Variants in CDH8 observed in about 807,000 individuals in gnomAD.
CDH8 encodes cadherin-8.
Under a neutral mutation model 68.1 loss-of-function variants are expected in CDH8, and 17 were observed. The observed-to-expected ratio is 0.25, with a 90% CI of 0.17 to 0.37. CDH8 has a LOEUF of 0.37. Ranked by LOEUF, CDH8 falls within the 10% of genes least tolerant of loss-of-function variation. The probability of loss-of-function intolerance (pLI) is 1.00; values close to 1 mark genes in which losing one functional copy is unlikely to be tolerated. For missense variants in CDH8, 763 were observed against 999.3 expected, an observed-to-expected ratio of 0.76 and a Z score of 3.19; for synonymous variants, 372 against 365.1, an observed-to-expected ratio of 1.02 and a Z score of -0.21.
rs768785107 is a variant in CDH8, at chr16:62,021,393, C to T, written c.11G>A (p.Arg4Gln). 7 of 1,609,128 alleles carry T rather than the reference C, an allele frequency of 4.4e-6. No individual in the cohort carries two copies. The highest frequency in any genetic ancestry group is 5.9e-6 in the Non-Finnish European group (7 of 1,176,586). MPERLAEMLLDLWT... is the reference protein window; with the variant it reads MPEQLAEMLLDLWT... ...GAGATCCAAGAGCATTTCCGCTAGCCGTTCTGGCATGGTCCCACCAGTTAA... is the reference window on the plus strand; with the variant it reads ...GAGATCCAAGAGCATTTCCGCTAGCTGTTCTGGCATGGTCCCACCAGTTAA... The change falls in exon 2 of 12, where the codon CGG becomes CAG. Residue 4 changes from arginine to glutamine, a missense_variant. By Grantham distance (43) the Arg-to-Gln change is conservative. Transcript: ENST00000577390.
intron 1 of CDH8, among the ~76,000 whole-genome samples, chr16:62,033,504 A>G (rs908156576): frequency 7.2e-5 from 11 of 152,230 alleles, no homozygotes. Flanking sequence ...TTGAATGTAG[A>G]GATTTACCCA....
At chr16:61,680,496 T>A (rs1439391096) in intron 10 of CDH8, among the ~76,000 whole-genome samples, 1 of 151,910 alleles carries the variant, frequency 6.6e-6, no homozygotes, top group African/African-American at 2.4e-5. Context: ...CTTCTGTAGG[T>A]AAATTCCTTC....
intron 3 of CDH8, among the ~76,000 whole-genome samples, chr16:61,879,065 A>G (rs1392188349): frequency 6.6e-6 from 1 of 152,174 alleles, no homozygotes; most frequent in Non-Finnish European, 1.5e-5. Context: ...GAAAAAATAA[A>G]AGATGTGAAT....
intron 10 of CDH8, among the ~76,000 whole-genome samples, chr16:61,664,693 A>T (rs1963631863): frequency 6.6e-6 from 1 of 151,058 alleles, no homozygotes; most frequent in Admixed American, 6.6e-5. Context: ...GTTCAGATAG[A>T]AAGAGGCTTT....
chr16:61,956,771 A>G (rs1323875806), intron 2 of CDH8, among the ~76,000 whole-genome samples: 3 of 152,128 alleles, frequency 2.0e-5, no homozygotes, highest in Non-Finnish European at 2.9e-5. Flanking sequence ...TTTTATTGGT[A>G]TTGATTTTCT....
At chr16:61,841,262 T>C (rs1460042900) in intron 4 of CDH8, among the ~76,000 whole-genome samples, 2 of 152,234 alleles carry the variant, frequency 1.3e-5, no homozygotes, top group Non-Finnish European at 2.9e-5. Context: ...GCTCAATTTT[T>C]AGTTTTTTGA....
intron 7 of CDH8, among the ~76,000 whole-genome samples, chr16:61,796,113 G>T (rs1180918143): frequency 6.6e-6 from 1 of 151,568 alleles, no homozygotes; most frequent in East Asian, 1.9e-4. Context: ...GTGAAACATA[G>T]TACTAAAAAT....
chr16:62,001,675 A>T (rs1387833275), intron 2 of CDH8, among the ~76,000 whole-genome samples: 1 of 151,908 alleles, frequency 6.6e-6, no homozygotes, highest in African/African-American at 2.4e-5. Context: ...CCGGTTTTTT[A>T]TTATTATTAT....
intron 2 of CDH8, among the ~76,000 whole-genome samples, chr16:62,016,205 T>A (rs1027908398): frequency 6.6e-6 from 1 of 152,186 alleles, no homozygotes; most frequent in African/African-American, 2.4e-5. Flanking sequence ...CATTCCTTCA[T>A]GTCAGAGTAC....
intron 10 of CDH8, among the ~76,000 whole-genome samples, chr16:61,684,353 C>T (rs1567420230): frequency 6.6e-6 from 1 of 151,880 alleles, no homozygotes; most frequent in East Asian, 1.9e-4. Context: ...CTCATTCATT[C>T]ATTCACCAGG....
At chr16:61,764,740 T>C (rs1047583694) in intron 8 of CDH8, among the ~76,000 whole-genome samples, 1 of 152,032 alleles carries the variant, frequency 6.6e-6, no homozygotes, top group East Asian at 1.9e-4. Flanking sequence ...CCCCCTTCCC[T>C]TTAGGATATA....
intron 2 of CDH8, among the ~76,000 whole-genome samples, chr16:61,996,312 G>A (rs1368752984): frequency 6.6e-6 from 1 of 152,136 alleles, no homozygotes; most frequent in Non-Finnish European, 1.5e-5. Flanking sequence ...TCATTGCAGG[G>A]AATGGCAAAC....
intron 10 of CDH8, among the ~76,000 whole-genome samples, chr16:61,664,863 C>A (rs953525394): frequency 2.6e-5 from 4 of 151,958 alleles, no homozygotes; most frequent in African/African-American, 9.7e-5. Flanking sequence ...TATAGTTAGT[C>A]AAGGAGAAAT....
chr16:61,681,944 C>T (rs1025909629), intron 10 of CDH8, among the ~76,000 whole-genome samples: 3 of 151,804 alleles, frequency 2.0e-5, no homozygotes, highest in Admixed American at 2.0e-4. Context: ...TAATGCTTTG[C>T]AAAGGCTCTA....
chr16:61,697,628 G>A (rs57360494), intron 10 of CDH8, among the ~76,000 whole-genome samples: 17,869 of 152,042 alleles, frequency 0.12, 1,026 homozygotes, highest in African/African-American at 0.12. Context: ...AGCCTCCTGA[G>A]TAGCTGGGAT....
intron 4 of CDH8, among the ~76,000 whole-genome samples, chr16:61,838,665 A>C (rs1962618089): frequency 6.6e-6 from 1 of 152,158 alleles, no homozygotes; most frequent in Admixed American, 6.6e-5. Context: ...CTAGCATGTG[A>C]CATTTTATGC....
At chr16:61,900,216 A>C (rs1373648984) in intron 3 of CDH8, among the ~76,000 whole-genome samples, 3 of 152,090 alleles carry the variant, frequency 2.0e-5, no homozygotes, top group Non-Finnish European at 4.4e-5. Context: ...TATTTACCAA[A>C]TTCTGGCTTC....
At chr16:61,782,418 C>A (rs1406338130) in intron 8 of CDH8, among the ~76,000 whole-genome samples, 6 of 152,238 alleles carry the variant, frequency 3.9e-5, no homozygotes, top group Admixed American at 3.9e-4. Flanking sequence ...CTATATCCCA[C>A]ACCTGGCTCG....
chr16:61,863,525 AT>A (rs1416646875), intron 3 of CDH8, among the ~76,000 whole-genome samples: 1 of 152,156 alleles, frequency 6.6e-6, no homozygotes, highest in African/African-American at 2.4e-5. Context: ...TCTGCACATT[AT>A]TCAGAAAGAA....
Sources: allele counts gnomAD v4.1 joint callset (sites outside exome capture counted in the v4.1 genomes callset), GRCh38; gene constraint gnomAD v4.1.1; transcripts MANE v1.5; gene names NCBI Gene and HGNC (gene_info 2026-07-23, HGNC 2026-07-21).